Variants in TANK observed in about 807,000 individuals in gnomAD.
The protein encoded by TANK is TRAF family member associated NFKB activator.
In TANK, 15 loss-of-function variants were observed where a neutral mutation model predicts 43.6. That is an observed-to-expected ratio of 0.34 (90% confidence interval 0.23 to 0.53). The LOEUF (loss-of-function observed/expected upper bound fraction) is 0.53. TANK is among the 20% of genes least tolerant of loss of function. The probability of loss-of-function intolerance (pLI) is 0.94; values close to 1 mark genes in which losing one functional copy is unlikely to be tolerated. For missense variants in TANK, 417 were observed against 498.6 expected (o/e 0.84, Z 1.56); for synonymous variants, 162 against 178.2 (o/e 0.91, Z 0.73).
At position 161,235,669 on chromosome 2, in the gene TANK, C is replaced by A; in HGVS notation, c.*151C>A. On this transcript the variant is annotated 3_prime_UTR_variant, in exon 8 of 8. Coordinates refer to ENST00000392749, the MANE Select transcript of TANK (RefSeq NM_001199135.3). ...ATTTTTTTCTGGATTTACTATATAA[C>A]TCTTATTTTTTAAAAGATCATTCTG... 1 of 569,798 alleles carries A rather than the reference C, an allele frequency of 1.8e-6. No individual in the cohort carries two copies. The highest frequency in any genetic ancestry group is 2.8e-6 in the Non-Finnish European group (1 of 356,798). 35.3% of individuals were successfully genotyped at this position (569,798 alleles called of 1,614,324 possible).
At chr2:161,159,763 A>C (rs1684323498), upstream of TANK, among the ~76,000 whole-genome samples, 1 of 152,248 alleles carries the variant, frequency 6.6e-6, no homozygotes, top group South Asian at 2.1e-4. Context: ...GATAATATTC[A>C]TGCATGGCTA....
At chr2:161,171,721 G>A (rs1447722282) in intron 1 of TANK, among the ~76,000 whole-genome samples, 1 of 152,092 alleles carries the variant, frequency 6.6e-6, no homozygotes, top group Admixed American at 6.6e-5. Flanking sequence ...TTCCTCCATA[G>A]TGGTTTTTTC....
chr2:161,199,491 ACT>A (rs1394507364), intron 2 of TANK, among the ~76,000 whole-genome samples: 2 of 152,060 alleles, frequency 1.3e-5, no homozygotes, highest in Non-Finnish European at 2.9e-5. Context: ...AATTTATGGA[ACT>A]CTATTTTAAT....
At chr2:161,159,524 A>G (rs1402079761), upstream of TANK, among the ~76,000 whole-genome samples, 1 of 152,236 alleles carries the variant, frequency 6.6e-6, no homozygotes, top group Non-Finnish European at 1.5e-5. Context: ...CATTGTTTCA[A>G]ATATATTTAG....
At chr2:161,190,961 A>C (rs1189841116) in intron 2 of TANK, among the ~76,000 whole-genome samples, 1 of 152,188 alleles carries the variant, frequency 6.6e-6, no homozygotes, top group Non-Finnish European at 1.5e-5. Flanking sequence ...CAAAAAAAAG[A>C]ATTGGTCTAG....
At chr2:161,157,840 A>T (rs1213391409), upstream of TANK, among the ~76,000 whole-genome samples, 1 of 151,976 alleles carries the variant, frequency 6.6e-6, no homozygotes, top group African/African-American at 2.4e-5. Flanking sequence ...TGCACCACCA[A>T]ACCTGGCTAA....
At chr2:161,170,085 A>G (rs1684875723) in intron 1 of TANK, among the ~76,000 whole-genome samples, 1 of 152,182 alleles carries the variant, frequency 6.6e-6, no homozygotes, top group Non-Finnish European at 1.5e-5. Context: ...TCTTTGAATT[A>G]AAGGCATGTC....
At chr2:161,201,253 A>G in intron 2 of TANK, 1 of 962,064 alleles carries the variant, frequency 1.0e-6, no homozygotes, top group Non-Finnish European at 1.2e-6. Context: ...CCATTGATCC[A>G]TTAATTTTTC....
intron 1 of TANK, among the ~76,000 whole-genome samples, chr2:161,178,918 G>C (rs1233230517): frequency 6.6e-6 from 1 of 152,082 alleles, no homozygotes; most frequent in Non-Finnish European, 1.5e-5. Flanking sequence ...TCAGAGCCAA[G>C]GAATGTCGTT....
intron 1 of TANK, among the ~76,000 whole-genome samples, chr2:161,138,431 C>A (rs1337461920): frequency 6.6e-6 from 1 of 152,060 alleles, no homozygotes; most frequent in Non-Finnish European, 1.5e-5. Context: ...ATGTCATATC[C>A]CAAAAGATGG....
At chr2:161,160,164 A>T, upstream of TANK, 1 of 373,132 alleles carries the variant, frequency 2.7e-6, no homozygotes, top group Middle Eastern at 6.9e-4. Context: ...AAAATCCAGC[A>T]AAGACTCACA....
intron 4 of TANK, chr2:161,222,838 C>T (rs1030794679): frequency 2.0e-5 from 3 of 151,818 alleles, no homozygotes; most frequent in African/African-American, 7.3e-5. Context: ...AAAAATAATA[C>T]TCTATATATT....
At chr2:161,143,466 C>G (rs1318540514) in intron 1 of TANK, among the ~76,000 whole-genome samples, 1 of 151,876 alleles carries the variant, frequency 6.6e-6, no homozygotes, top group Non-Finnish European at 1.5e-5. Context: ...ATAAATAGCT[C>G]TTTTTATTTT....
At chr2:161,173,289 A>G (rs1460298727) in intron 1 of TANK, among the ~76,000 whole-genome samples, 4 of 152,126 alleles carry the variant, frequency 2.6e-5, no homozygotes, top group Non-Finnish European at 5.9e-5. Flanking sequence ...GACTTGCATA[A>G]ACAGAATACT....
At chr2:161,166,955 G>C (rs759866037) in intron 1 of TANK, among the ~76,000 whole-genome samples, 3 of 152,080 alleles carry the variant, frequency 2.0e-5, no homozygotes, top group Non-Finnish European at 2.9e-5. Flanking sequence ...TCTTTTCTAG[G>C]GCAAAGTGGA....
intron 2 of TANK, among the ~76,000 whole-genome samples, chr2:161,184,416 T>G (rs1227616925): frequency 1.3e-5 from 2 of 152,168 alleles, no homozygotes; most frequent in Admixed American, 6.6e-5. Flanking sequence ...CTTTATGCAC[T>G]TTAATATATG....
At chr2:161,137,998 G>A (rs1683637045) in intron 1 of TANK, 1 of 634,900 alleles carries the variant, frequency 1.6e-6, no homozygotes, top group Non-Finnish European at 1.9e-6. Flanking sequence ...ATTAACTCAA[G>A]TTTAGTATTT....
chr2:161,161,157 A>T, intron 1 of TANK: 2 of 1,437,588 alleles, frequency 1.4e-6, no homozygotes, highest in Non-Finnish European at 1.8e-6. Context: ...CAGGCAAAAA[A>T]GCTGTGCTTT....
intron 1 of TANK, chr2:161,139,930 T>C (rs1292794885): frequency 2.1e-6 from 2 of 971,596 alleles, no homozygotes; most frequent in African/African-American, 1.8e-5. Context: ...ATTAATCTTA[T>C]ATCCAACTTA....
Sources: allele counts gnomAD v4.1 joint callset (sites outside exome capture counted in the v4.1 genomes callset), GRCh38; gene constraint gnomAD v4.1.1; transcripts MANE v1.5; gene names NCBI Gene and HGNC (gene_info 2026-07-23, HGNC 2026-07-21).